The following NFATC3 variants were observed in gnomAD, a reference collection of about 807,000 sequenced individuals.
NFATC3 encodes nuclear factor of activated T-cells, cytoplasmic 3.
NFATC3 carries 46 observed loss-of-function variants against 98.6 expected under a neutral mutation model. The ratio of observed to expected loss-of-function variants is 0.47; its 90% CI spans 0.37 to 0.60. NFATC3 has a LOEUF of 0.60. Among genes scored for constraint, NFATC3 ranks in the 20% least tolerant of loss-of-function variants. The probability of loss-of-function intolerance (pLI) is 0.00; values close to 1 mark genes in which losing one functional copy is unlikely to be tolerated. For missense variants in NFATC3, 1,256 were observed against 1,295.5 expected, an observed-to-expected ratio of 0.97 and a Z score of 0.47; for synonymous variants, 512 against 472.2, an observed-to-expected ratio of 1.08 and a Z score of -1.09.
At chr16:68,185,001 A>ATTTT (rs1567538810) in intron 8 of NFATC3, among the ~76,000 whole-genome samples, 1 of 149,466 alleles carries the variant, frequency 6.7e-6, no homozygotes, top group African/African-American at 2.5e-5. Flanking sequence ...TTTTTTTTTG[A>ATTTT]GAGAGAGTCT....
intron 9 of NFATC3, among the ~76,000 whole-genome samples, chr16:68,222,571 C>A (rs796216322): frequency 2.6e-5 from 4 of 152,152 alleles, no homozygotes; most frequent in Admixed American, 1.3e-4. Flanking sequence ...TGCTGTAACG[C>A]CTGCCTAAAA....
At chr16:68,131,971 G>T (rs2037134939) in intron 3 of NFATC3, among the ~76,000 whole-genome samples, 2 of 152,262 alleles carry the variant, frequency 1.3e-5, no homozygotes, top group African/African-American at 4.8e-5. Flanking sequence ...GCATATACTG[G>T]TATAGTGTTC....
At chr16:68,167,149 GTGGAAA>G (rs2039233438) in intron 5 of NFATC3, 134 bp downstream of exon 5, 1 of 846,288 alleles carries the variant, frequency 1.2e-6, no homozygotes, top group South Asian at 1.9e-5. Flanking sequence ...ATTTTCTCAT[GTGGAAA>G]TGAGCTAACA....
At chr16:68,121,651 T>TGAGA (rs2036588011) in intron 1 of NFATC3, among the ~76,000 whole-genome samples, 1 of 145,288 alleles carries the variant, frequency 6.9e-6, no homozygotes, top group Non-Finnish European at 1.5e-5. Context: ...CCAGTCTAGG[T>TGAGA]GAGAGAGTGA....
intron 4 of NFATC3, among the ~76,000 whole-genome samples, chr16:68,161,315 A>C (rs996558020): frequency 6.6e-6 from 1 of 152,220 alleles, no homozygotes; most frequent in Non-Finnish European, 1.5e-5. Context: ...TTTGCAGGCC[A>C]TGTTTGCATT....
intron 1 of NFATC3, among the ~76,000 whole-genome samples, chr16:68,101,585 G>A (rs146925116): frequency 3.3e-5 from 5 of 151,718 alleles, no homozygotes; most frequent in East Asian, 1.9e-4. Flanking sequence ...CCGGGTTCAC[G>A]CCATTCTCTT....
intron 1 of NFATC3, among the ~76,000 whole-genome samples, chr16:68,100,907 G>T (rs191660170): frequency 4.9e-5 from 7 of 142,918 alleles, no homozygotes; most frequent in African/African-American, 7.5e-5. Context: ...GTGTGTGTGG[G>T]GTGTGTGTGT....
rs144638322 is a variant in NFATC3 at position 68,189,124 on chromosome 16, A to C, written c.2099-1644A>C. 2.1e-4 allele frequency among the ~76,000 whole-genome samples: 32 copies of C among 152,318 alleles called. 1 individual carries two copies. In the East Asian group the frequency reaches 5.4e-3, roughly 26 times the overall value. On this transcript the variant is annotated intron_variant, in intron 8 of 9. Transcript: ENST00000346183. Reference sequence around the variant, plus strand: ...CCTTGTTTTTGAAAATTAGTTGACAAATGTGTGAGATTTTATTTCTGGACT... The same window carrying C: ...CCTTGTTTTTGAAAATTAGTTGACACATGTGTGAGATTTTATTTCTGGACT...
intron 8 of NFATC3, among the ~76,000 whole-genome samples, chr16:68,187,005 G>T (rs2040231779): frequency 6.6e-6 from 1 of 152,254 alleles, no homozygotes; most frequent in African/African-American, 2.4e-5. Context: ...CTGGCAAGCT[G>T]CATTCGGCTC....
chr16:68,100,887 CTGTG>C (rs55677176), intron 1 of NFATC3, among the ~76,000 whole-genome samples: 2 of 146,280 alleles, frequency 1.4e-5, no homozygotes, highest in Non-Finnish European at 3.0e-5. Context: ...TTTGAGAGTT[CTGTG>C]TGTGTGTGTG....
intron 3 of NFATC3, among the ~76,000 whole-genome samples, chr16:68,146,692 T>C (rs758940927): frequency 6.6e-6 from 1 of 152,270 alleles, no homozygotes; most frequent in African/African-American, 2.4e-5. Flanking sequence ...ACTGCTCTTA[T>C]TGAAGTTGCT....
At chr16:68,175,527 TTCCTC>T (rs1020791082) in intron 6 of NFATC3, among the ~76,000 whole-genome samples, 2 of 152,348 alleles carry the variant, frequency 1.3e-5, no homozygotes, top group Admixed American at 1.3e-4. Context: ...CATCAGTTGT[TTCCTC>T]TCAGTTTTAA....
intron 3 of NFATC3, among the ~76,000 whole-genome samples, chr16:68,141,179 A>G (rs1199842338): frequency 6.6e-6 from 1 of 151,688 alleles, no homozygotes; most frequent in Non-Finnish European, 1.5e-5. Flanking sequence ...TGGTGTAGAT[A>G]TACCACATTT....
intron 4 of NFATC3, among the ~76,000 whole-genome samples, chr16:68,163,443 G>A (rs374358707): frequency 1.3e-5 from 2 of 150,420 alleles, no homozygotes; most frequent in African/African-American, 5.0e-5. Context: ...AGGGGCGGCC[G>A]GGCAGAGGCG....
chr16:68,176,255 C>T (rs1201035525), intron 6 of NFATC3, among the ~76,000 whole-genome samples: 1 of 152,098 alleles, frequency 6.6e-6, no homozygotes, highest in Non-Finnish European at 1.5e-5. Flanking sequence ...GAATTAGAGG[C>T]GTGAGCTACC....
chr16:68,090,127 A>G (rs978030530), intron 1 of NFATC3, among the ~76,000 whole-genome samples: 2 of 152,054 alleles, frequency 1.3e-5, no homozygotes, highest in African/African-American at 2.4e-5. Flanking sequence ...ATGTGATCCA[A>G]TTTACTGTCT....
At chr16:68,118,217 C>T (rs1418503303) in intron 1 of NFATC3, among the ~76,000 whole-genome samples, 2 of 152,094 alleles carry the variant, frequency 1.3e-5, no homozygotes, top group Admixed American at 1.3e-4. Context: ...TACATGCTAC[C>T]CTCTCAAAAA....
intron 1 of NFATC3, among the ~76,000 whole-genome samples, chr16:68,105,456 C>T (rs1408266407): frequency 6.6e-6 from 1 of 152,010 alleles, no homozygotes; most frequent in Non-Finnish European, 1.5e-5. Context: ...CATGTTGAAC[C>T]ACCCTTGCAT....
At chr16:68,114,248 C>T (rs930755277) in intron 1 of NFATC3, among the ~76,000 whole-genome samples, 1 of 152,136 alleles carries the variant, frequency 6.6e-6, no homozygotes, top group African/African-American at 2.4e-5. Flanking sequence ...TTTCCTAGCT[C>T]TGTGTGGATC....
Sources: gnomAD v4.1 joint callset for allele counts (sites outside exome capture counted in the v4.1 genomes callset) on GRCh38, gnomAD v4.1.1 for gene constraint, MANE v1.5 for transcripts, NCBI Gene and HGNC (gene_info 2026-07-23, HGNC 2026-07-21) for gene names.